Variants in ABR observed in about 807,000 individuals in gnomAD.
ABR encodes ABR activator of RhoGEF and GTPase.
Under a neutral mutation model 107.2 loss-of-function variants are expected in ABR, and 35 were observed. The ratio of observed to expected loss-of-function variants is 0.33; its 90% CI spans 0.25 to 0.43. The LOEUF is 0.43. ABR is among the 20% of genes least tolerant of loss of function. The pLI is 1.00. For missense variants in ABR, 815 were observed against 1,115.2 expected, an observed-to-expected ratio of 0.73 and a Z score of 3.83; for synonymous variants, 498 against 462.0, an observed-to-expected ratio of 1.08 and a Z score of -1.00.
intron 18 of ABR, 183 bp from the exon 19 acceptor site, chr17:1,012,168 C>T (rs2070641876): frequency 1.0e-6 from 1 of 978,832 alleles, no homozygotes; most frequent in Non-Finnish European, 1.6e-6. Context: ...CCACCCGAGG[C>T]CTGCCGAAGG....
intron 1 of ABR, among the ~76,000 whole-genome samples, chr17:1,127,065 C>T (rs576390904): frequency 6.6e-6 from 1 of 152,352 alleles, no homozygotes; most frequent in East Asian, 1.9e-4. Context: ...CCACACTCTG[C>T]CCAATCTGGC....
upstream of ABR, among the ~76,000 whole-genome samples, chr17:1,190,763 C>T (rs189598954): frequency 6.6e-6 from 1 of 152,178 alleles, no homozygotes; most frequent in Non-Finnish European, 1.5e-5. Context: ...GCTGGGATTC[C>T]GAGAAAGAAG....
intron 4 of ABR, among the ~76,000 whole-genome samples, chr17:1,087,645 G>T (rs977657297): frequency 6.6e-6 from 1 of 151,854 alleles, no homozygotes; most frequent in Admixed American, 6.6e-5. Context: ...ACTGAGGCCC[G>T]GCCCATCAAT....
chr17:1,214,160 C>G (rs2042955596), intron 1 of ABR, among the ~76,000 whole-genome samples: 1 of 152,182 alleles, frequency 6.6e-6, no homozygotes, highest in Non-Finnish European at 1.5e-5. Flanking sequence ...GCTGGGATTA[C>G]AGGCATGAGC....
chr17:1,043,266 C>G (rs1249858445), intron 16 of ABR, among the ~76,000 whole-genome samples: 1 of 152,104 alleles, frequency 6.6e-6, no homozygotes, highest in Non-Finnish European at 1.5e-5. Flanking sequence ...CTCCCAGGTT[C>G]AAGCAATTCT....
At chr17:1,178,564 C>CAAAA (rs11301468) in intron 1 of ABR, among the ~76,000 whole-genome samples, 3,869 of 121,724 alleles carry the variant, frequency 0.032, 173 homozygotes, top group African/African-American at 0.1. Flanking sequence ...GACTCCGTCT[C>CAAAA]AAAAAAAAAA....
intron 1 of ABR, among the ~76,000 whole-genome samples, chr17:1,226,689 A>C (rs1235543121): frequency 1.7e-5 from 2 of 115,630 alleles, no homozygotes; most frequent in Non-Finnish European, 3.9e-5. Context: ...ATGTGTTTAC[A>C]TGTGCAGGTG....
At chr17:1,201,942 G>T (rs4511592) in intron 1 of ABR, among the ~76,000 whole-genome samples, 1 of 152,010 alleles carries the variant, frequency 6.6e-6, no homozygotes, top group Non-Finnish European at 1.5e-5. Context: ...CTCCCAAAGT[G>T]CTGGGATTAC....
At chr17:1,046,879 CGAG>C (rs1812302673) in intron 16 of ABR, among the ~76,000 whole-genome samples, 1 of 152,180 alleles carries the variant, frequency 6.6e-6, no homozygotes, top group Non-Finnish European at 1.5e-5. Context: ...AAGGATCACA[CGAG>C]GAGATGGCAT....
chr17:1,017,452 C>T (rs1041978815), intron 16 of ABR, among the ~76,000 whole-genome samples: 17 of 145,840 alleles, frequency 1.2e-4, no homozygotes, highest in Middle Eastern at 3.5e-3. Flanking sequence ...CATTCTGGAG[C>T]GGCCATGCCC....
At chr17:1,139,315 C>A (rs367876565) in intron 1 of ABR, among the ~76,000 whole-genome samples, 8 of 152,044 alleles carry the variant, frequency 5.3e-5, no homozygotes, top group East Asian at 1.9e-4. Context: ...GCAGTGGCGC[C>A]ATCTCGGCTC....
chr17:1,101,940 A>G (rs150429175), intron 2 of ABR, among the ~76,000 whole-genome samples: 3,107 of 152,054 alleles, frequency 0.02, 85 homozygotes, highest in African/African-American at 0.06. Context: ...TCACCGTGTT[A>G]GCCAGGATGG....
upstream of ABR, among the ~76,000 whole-genome samples, chr17:1,180,276 G>A (rs1231815897): frequency 6.6e-6 from 1 of 152,048 alleles, no homozygotes; most frequent in East Asian, 1.9e-4. Context: ...TGCCGTGGGG[G>A]GCCCGGGAGC....
rs1416563541 is a variant in ABR at position 1,113,277 on chromosome 17, G to GGTTTTTTTTTTTTTTTTTTTTTT, written c.246+11905_246+11906insAAAAAAAAAAAAAAAAAAAAAAC. ...GGGATAACATGGAAACACCTATTGC[G>GGTTTTTTTTTTTTTTTTTTTTTT]ATTTTTTTTTTTTTTTTTTTTTTTT... On this transcript the variant is annotated intron_variant, in intron 2 of 22. Transcript: ENST00000302538. Among the ~76,000 whole-genome samples the GGTTTTTTTTTTTTTTTTTTTTTT allele has an allele frequency of 3.2e-4, 28 of 88,172 alleles. 10 individuals are homozygous for GGTTTTTTTTTTTTTTTTTTTTTT. The highest frequency in any genetic ancestry group is 3.0e-4 in the African/African-American group (6 of 19,730). The allele number at this position is 88,172 out of a possible 152,430, so 57.8% of individuals were successfully genotyped here. A position where few individuals can be genotyped will look rare whatever the true frequency, so the allele number is the denominator to read the frequency against.
chr17:1,049,474 A>G (rs907291378), intron 16 of ABR, among the ~76,000 whole-genome samples: 2 of 151,896 alleles, frequency 1.3e-5, no homozygotes, highest in African/African-American at 4.8e-5. Context: ...AAGCATAAAT[A>G]CCCTTAACCC....
intron 1 of ABR, among the ~76,000 whole-genome samples, chr17:1,195,223 C>T (rs80268395): frequency 3.7e-5 from 5 of 136,802 alleles, no homozygotes; most frequent in Admixed American, 7.8e-5. Context: ...AGGAGAATGG[C>T]GTGAACCCGG....
intron 18 of ABR, chr17:1,012,479 A>G (rs1435689470): frequency 2.9e-6 from 2 of 698,722 alleles, no homozygotes; most frequent in Admixed American, 2.0e-5. Flanking sequence ...GAGACCTTCC[A>G]GCGTTTAGGT....
At chr17:1,205,740 G>T (rs958632830) in intron 1 of ABR, among the ~76,000 whole-genome samples, 2 of 152,142 alleles carry the variant, frequency 1.3e-5, no homozygotes, top group African/African-American at 2.4e-5. Context: ...ATCAAGAGAC[G>T]GAGACCATCC....
At chr17:1,155,311 G>A (rs938479889) in intron 1 of ABR, among the ~76,000 whole-genome samples, 17 of 152,198 alleles carry the variant, frequency 1.1e-4, no homozygotes, top group African/African-American at 4.1e-4. Flanking sequence ...CATGGGGAAA[G>A]AAGAATCTTT....
Sources: allele counts gnomAD v4.1 joint callset (sites outside exome capture counted in the v4.1 genomes callset), GRCh38; gene constraint gnomAD v4.1.1; transcripts MANE v1.5; gene names NCBI Gene and HGNC (gene_info 2026-07-23, HGNC 2026-07-21).